The following KAZN variants were observed in gnomAD, a reference collection of about 807,000 sequenced individuals.
KAZN encodes the protein kazrin.
Under a neutral mutation model 87.4 loss-of-function variants are expected in KAZN, and 40 were observed. The ratio of observed to expected loss-of-function variants is 0.46; its 90% CI spans 0.36 to 0.60. The LOEUF (loss-of-function observed/expected upper bound fraction) is 0.60, where lower values mean the gene tolerates loss of function less well. KAZN is among the 20% of genes least tolerant of loss of function. KAZN has a pLI of 0.00. For missense variants in KAZN, 898 were observed against 1,073.9 expected (o/e 0.84, Z 2.29); for synonymous variants, 466 against 458.3 (o/e 1.02, Z -0.22).
chr1:14,541,063 A>AC (rs1672782336), intron 2 of KAZN, among the ~76,000 whole-genome samples: 2 of 152,020 alleles, frequency 1.3e-5, no homozygotes, highest in South Asian at 2.1e-4. Flanking sequence ...ACAAATATTT[A>AC]CCCCCCTACT....
chr1:14,463,283 G>A (rs1667949326), intron 2 of KAZN, among the ~76,000 whole-genome samples: 1 of 152,082 alleles, frequency 6.6e-6, no homozygotes, highest in East Asian at 1.9e-4. Context: ...GGACAGCTAG[G>A]GATTGGTTTT....
rs182147533 is a variant in KAZN at position 14,911,863 on chromosome 1, A to G, written c.227-48821A>G. On this transcript the variant is annotated intron_variant, in intron 1 of 14. Coordinates refer to ENST00000376030, the MANE Select transcript of KAZN (RefSeq NM_201628.3). ...GGGAAAACTGAAGCCATGAAAGGGAAAAGCCTCGGCCAGGCACGGTGGCTC... is the reference window on the plus strand; with the variant it reads ...GGGAAAACTGAAGCCATGAAAGGGAGAAGCCTCGGCCAGGCACGGTGGCTC... Among the ~76,000 whole-genome samples, 5 of 152,294 alleles carry G rather than the reference A, an allele frequency of 3.3e-5. No individual in the cohort carries two copies. The East Asian group carries it at 9.7e-4, about 29-fold the overall frequency.
chr1:14,378,312 GAAA>G (rs1197381634), intron 2 of KAZN, among the ~76,000 whole-genome samples: 1 of 137,138 alleles, frequency 7.3e-6, no homozygotes, highest in Non-Finnish European at 1.7e-5. Context: ...TCCTTTAAAA[GAAA>G]AGTAAACGGG....
chr1:15,060,003 G>A (rs1221438404), intron 5 of KAZN, among the ~76,000 whole-genome samples, 169 bp from the exon 6 acceptor site: 1 of 152,174 alleles, frequency 6.6e-6, no homozygotes, highest in Admixed American at 6.5e-5. Flanking sequence ...CTATGGGAAC[G>A]TGTGGAGCTG....
intron 2 of KAZN, among the ~76,000 whole-genome samples, chr1:14,410,006 A>C (rs1664176708): frequency 6.6e-6 from 1 of 152,248 alleles, no homozygotes; most frequent in Admixed American, 6.5e-5. Context: ...GCTGGAAGAT[A>C]GATATGAGGA....
intron 4 of KAZN, among the ~76,000 whole-genome samples, chr1:15,047,810 C>T (rs1673741998): frequency 1.3e-5 from 2 of 152,126 alleles, no homozygotes; most frequent in Non-Finnish European, 2.9e-5. Flanking sequence ...GGTGGGGAGC[C>T]AGGCCCGGGG....
intron 2 of KAZN, among the ~76,000 whole-genome samples, chr1:14,540,365 C>T (rs1237873056): frequency 1.3e-5 from 2 of 152,196 alleles, no homozygotes; most frequent in Admixed American, 1.3e-4. Context: ...CATTATCACC[C>T]TGTTTTGTGA....
At chr1:15,044,270 G>C in intron 4 of KAZN, 111 bp downstream of exon 4, 4 of 413,326 alleles carry the variant, frequency 9.7e-6, no homozygotes, top group Non-Finnish European at 1.7e-5. Context: ...GGTGGGTGGG[G>C]CAGAGCAGAA....
intron 1 of KAZN, among the ~76,000 whole-genome samples, chr1:14,041,404 C>T (rs994580191): frequency 6.6e-6 from 1 of 152,164 alleles, no homozygotes; most frequent in Non-Finnish European, 1.5e-5. Context: ...ATAAAATCTT[C>T]ATTTTCCCAT....
chr1:14,318,628 A>G (rs1159217901), intron 2 of KAZN, among the ~76,000 whole-genome samples: 2 of 152,004 alleles, frequency 1.3e-5, no homozygotes, highest in Non-Finnish European at 2.9e-5. Context: ...CTATTTCTTT[A>G]AATATTTTTT....
At chr1:14,969,451 C>T (rs1353424711) in intron 2 of KAZN, among the ~76,000 whole-genome samples, 3 of 152,206 alleles carry the variant, frequency 2.0e-5, no homozygotes, top group Non-Finnish European at 2.9e-5. Flanking sequence ...TGCAGGGGGC[C>T]CACCCTGAGC....
At chr1:15,008,552 G>A (rs1044283988) in intron 2 of KAZN, among the ~76,000 whole-genome samples, 4 of 152,184 alleles carry the variant, frequency 2.6e-5, no homozygotes, top group African/African-American at 7.2e-5. Flanking sequence ...AGAGCTCTTC[G>A]CAGAGGTCAT....
At chr1:14,165,847 CA>C (rs1289112131) in intron 1 of KAZN, among the ~76,000 whole-genome samples, 2 of 152,122 alleles carry the variant, frequency 1.3e-5, no homozygotes, top group Non-Finnish European at 2.9e-5. Context: ...ATCAGGCAAA[CA>C]GTTGGTGCTA....
intron 1 of KAZN, among the ~76,000 whole-genome samples, chr1:14,935,634 G>A (rs1660364514): frequency 6.6e-6 from 1 of 152,152 alleles, no homozygotes; most frequent in African/African-American, 2.4e-5. Flanking sequence ...GAGCAAGGTG[G>A]CTCTAGAAAG....
At chr1:14,990,843 T>C (rs1277040653) in intron 2 of KAZN, among the ~76,000 whole-genome samples, 4 of 150,940 alleles carry the variant, frequency 2.7e-5, no homozygotes. Context: ...GCCAATGTGA[T>C]GAATTAAGAT....
intron 1 of KAZN, among the ~76,000 whole-genome samples, chr1:14,866,453 G>C (rs920921201): frequency 1.3e-5 from 2 of 152,182 alleles, no homozygotes; most frequent in Admixed American, 1.3e-4. Flanking sequence ...GAAGGGTCTG[G>C]CACAGTGGCT....
chr1:14,189,285 T>C (rs1646375895), intron 2 of KAZN, among the ~76,000 whole-genome samples: 1 of 152,184 alleles, frequency 6.6e-6, no homozygotes, highest in Non-Finnish European at 1.5e-5. Context: ...AGAATGGATG[T>C]TCTTGTATTG....
intron 2 of KAZN, among the ~76,000 whole-genome samples, chr1:14,346,302 C>T (rs12134370): frequency 0.16 from 25,094 of 152,138 alleles, 2,098 homozygotes; most frequent in Non-Finnish European, 0.17. Flanking sequence ...GGACACAAGG[C>T]GGTCACCAAA....
intron 1 of KAZN, among the ~76,000 whole-genome samples, chr1:14,902,363 C>A (rs1656023494): frequency 6.6e-6 from 1 of 151,824 alleles, no homozygotes; most frequent in African/African-American, 2.4e-5. Context: ...GTAGCTGGGA[C>A]TATAGGCACC....
Sources: allele counts gnomAD v4.1 joint callset (sites outside exome capture counted in the v4.1 genomes callset), GRCh38; gene constraint gnomAD v4.1.1; transcripts MANE v1.5; gene names NCBI Gene and HGNC (gene_info 2026-07-23, HGNC 2026-07-21).